Variants in RHBDF2 observed in about 807,000 individuals in gnomAD.
RHBDF2 encodes rhomboid 5 homolog 2.
RHBDF2 carries 38 observed loss-of-function variants against 95.2 expected under a neutral mutation model. The ratio of observed to expected loss-of-function variants is 0.40; its 90% CI spans 0.31 to 0.52. The LOEUF (loss-of-function observed/expected upper bound fraction) is 0.52, where lower values mean the gene tolerates loss of function less well. Among genes scored for constraint, RHBDF2 ranks in the 20% least tolerant of loss-of-function variants. The pLI is 0.56. For missense variants in RHBDF2, 863 were observed against 1,137.7 expected, an observed-to-expected ratio of 0.76 and a Z score of 3.47; for synonymous variants, 442 against 462.0, an observed-to-expected ratio of 0.96 and a Z score of 0.55.
In RHBDF2 at chr17:76,479,106, G is replaced by T; in HGVS notation, c.444C>A (p.Ser148=). ...CCTTGGGCATCTTGCAGGGCTTTGG[G>T]GACTCAGTGCCCTGGAAGGACGGTG... ...QEAPSFQGTE[S]PKPCKMPKIV... Residue 148 remains serine (S), a synonymous_variant, in exon 5 of 19, where the codon TCC becomes TCA. Coordinates refer to ENST00000675367, the MANE Select transcript of RHBDF2 (RefSeq NM_001005498.4). 6.2e-7 allele frequency: 1 copy of T among 1,613,668 alleles called. No homozygotes were observed. The highest frequency in any genetic ancestry group is 8.5e-7 in the Non-Finnish European group (1 of 1,179,942).
rs374306738 is a variant in RHBDF2, at chr17:76,477,695, C to T, written c.763G>A (p.Asp255Asn). The T allele has an allele frequency of 5.1e-5, 82 of 1,614,038 alleles. No individual in the cohort carries two copies. Among genetic ancestry groups the T allele is most frequent in the South Asian group, 1.8e-4 (16 of 91,086 alleles). Reference sequence around the variant, plus strand: ...GAGGAGTCAAACGTGTCTGCCCCATCGACCACATCCTCCTCCAGGAAGCTC... The same window carrying T: ...GAGGAGTCAAACGTGTCTGCCCCATTGACCACATCCTCCTCCAGGAAGCTC... Reference protein sequence around the residue: ...FPSFLEEDVVDGADTFDSSFF... With the variant: ...FPSFLEEDVVNGADTFDSSFF... The change falls in exon 7 of 19, where the codon GAT becomes AAT. Residue 255 changes from aspartate to asparagine, a missense_variant. Transcript: ENST00000675367.
Position 76,483,512 on chromosome 17 carries a change from T to C in RHBDF2, c.-21-1967A>G, listed in dbSNP as rs535517510. ...GTTGGTCAGGCTGGTCTCGAACTCC[T>C]GACCTCAGGTGATCCACCTGCCTCG... On this transcript the variant is annotated intron_variant, in intron 2 of 18. Transcript: ENST00000675367. Among the ~76,000 whole-genome samples the C allele has an allele frequency of 2.4e-4, 36 of 152,288 alleles. No homozygotes were observed. In the South Asian group the frequency reaches 4.6e-3, roughly 19 times the overall value.
At chr17:76,477,081 A>G (rs1383487186) in intron 8 of RHBDF2, 57 bp from the exon 9 acceptor site, 1 of 1,611,266 alleles carries the variant, frequency 6.2e-7, no homozygotes, top group Non-Finnish European at 8.5e-7. Context: ...CCCAGACCCC[A>G]CCAGGGTGCT....
Position 76,471,524 on chromosome 17 carries a change from T to C in RHBDF2, c.*109A>G, listed in dbSNP as rs945178892. 9 of 1,261,784 alleles carry C rather than the reference T, an allele frequency of 7.1e-6. No homozygotes were observed. The highest frequency in any genetic ancestry group is 1.5e-5 in the African/African-American group (1 of 65,968). The allele number at this position is 1,261,784 out of a possible 1,614,324, so 78.2% of individuals were successfully genotyped here. A position where few individuals can be genotyped will look rare whatever the true frequency, so the allele number is the denominator to read the frequency against. On this transcript the variant is annotated 3_prime_UTR_variant, in exon 19 of 19. Coordinates refer to ENST00000675367, the MANE Select transcript of RHBDF2 (RefSeq NM_001005498.4). ...GCACCCAGGTCCAGAGCCCGGGCCC[T>C]GTCTTGGGTCTCTGGCTCTCTGGCA... is the stretch of plus-strand genomic sequence containing the variant.
chr17:76,477,131 C>T (rs1425671140), intron 8 of RHBDF2, 49 bp downstream of exon 8: 2 of 1,610,702 alleles, frequency 1.2e-6, no homozygotes, highest in East Asian at 2.2e-5. Context: ...CTGGGGATGC[C>T]CCCAGGCTGG....
intron 1 of RHBDF2, among the ~76,000 whole-genome samples, chr17:76,491,240 C>G (rs1020359159): frequency 3.9e-5 from 6 of 152,190 alleles, no homozygotes; most frequent in Non-Finnish European, 7.4e-5. Context: ...CCCTAGCCCA[C>G]CACAGGCACC....
At chr17:76,486,954 T>TTTTTTTTTC (rs1265557895) in intron 2 of RHBDF2, among the ~76,000 whole-genome samples, 5 of 30,856 alleles carry the variant, frequency 1.6e-4, no homozygotes, top group South Asian at 7.9e-4. Flanking sequence ...CTTCCTGCCT[T>TTTTTTTTTC]TTTTTTTTTT....
At chr17:76,498,434 A>C (rs1378453993) in intron 1 of RHBDF2, among the ~76,000 whole-genome samples, 2 of 152,220 alleles carry the variant, frequency 1.3e-5, no homozygotes, top group African/African-American at 4.8e-5. Context: ...GGGGAGAGGC[A>C]GCCAGGAGGG....
chr17:76,473,938 C>G, intron 13 of RHBDF2, 36 bp from the exon 14 acceptor site: 1 of 1,609,112 alleles, frequency 6.2e-7, no homozygotes, highest in Non-Finnish European at 8.5e-7. Flanking sequence ...GTGGCACACC[C>G]AGCGTGCCAC....
At chr17:76,472,212 G>A (rs1210516125) in intron 18 of RHBDF2, 160 bp from the exon 19 acceptor site, 5 of 677,282 alleles carry the variant, frequency 7.4e-6, no homozygotes, top group Non-Finnish European at 1.2e-5. Context: ...GACCAAAGCT[G>A]GGCCTGCTCC....
rs762078126 is a variant in RHBDF2, at chr17:76,473,288, G to A, written c.1773C>T (p.His591=). The change falls in exon 16 of 19, where the codon CAC becomes CAT. Residue 591 remains histidine, a synonymous_variant. Transcript: ENST00000675367. ...GTGTTGCTTCCTCATGGAAATAGCC[G>A]TGCATGAACTCACAGTATTCCCGGG... ...ITTREYCEFM[H]GYFHEEATLC... 1.5e-5 allele frequency: 25 copies of A among 1,612,936 alleles called. No individual in the cohort carries two copies. The highest frequency in any genetic ancestry group is 6.7e-5 in the African/African-American group (5 of 74,934).
At chr17:76,491,482 G>A (rs2074298673) in intron 1 of RHBDF2, among the ~76,000 whole-genome samples, 1 of 152,194 alleles carries the variant, frequency 6.6e-6, no homozygotes, top group African/African-American at 2.4e-5. Flanking sequence ...GCAGAGACAG[G>A]GCCAGGGCGG....
chr17:76,471,728 A>G lies in RHBDF2; in HGVS notation c.2389T>C (p.Tyr797His), dbSNP rs1211218604. 1.9e-6 allele frequency: 3 copies of G among 1,611,394 alleles called. No individual in the cohort carries two copies. The East Asian group carries it at 6.7e-5, about 36-fold the overall frequency. ...FAALVLWLYIYPINWPWIEHL... is the reference protein window; with the variant it reads ...FAALVLWLYIHPINWPWIEHL... Reference sequence around the variant, plus strand: ...TCGATCCAGGGCCAGTTAATGGGGTAGATGTACAGCCACAGCACGAGGGCG... The same window carrying G: ...TCGATCCAGGGCCAGTTAATGGGGTGGATGTACAGCCACAGCACGAGGGCG... The change falls in exon 19 of 19, where the codon TAC becomes CAC. Residue 797 changes from tyrosine to histidine, a missense_variant. Tyr to His is a moderately conservative substitution (Grantham distance 83). Around this residue, in one of 2 missense-constraint regions of RHBDF2, gnomAD observed 252 missense variants for 412.2 expected, o/e 0.61. Coordinates refer to ENST00000675367, the MANE Select transcript of RHBDF2 (RefSeq NM_001005498.4).
At chr17:76,483,036 C>A (rs2074018342) in intron 2 of RHBDF2, among the ~76,000 whole-genome samples, 1 of 151,808 alleles carries the variant, frequency 6.6e-6, no homozygotes, top group Non-Finnish European at 1.5e-5. Flanking sequence ...AGGCATAGTG[C>A]CTCATTCCTG....
At chr17:76,474,259 G>T in intron 12 of RHBDF2, 114 bp downstream of exon 12, 1 of 1,376,588 alleles carries the variant, frequency 7.3e-7, no homozygotes, top group Non-Finnish European at 1.0e-6. Flanking sequence ...ATGGGGGTCT[G>T]GGAAAGGTGG....
intron 4 of RHBDF2, 34 bp downstream of exon 4, chr17:76,479,699 G>A (rs374382074): frequency 9.9e-6 from 15 of 1,512,228 alleles, no homozygotes; most frequent in East Asian, 4.5e-5. Flanking sequence ...GTTGCTGGGT[G>A]GGGGGTGCTG....
At chr17:76,498,232 C>G (rs1047208034) in intron 1 of RHBDF2, among the ~76,000 whole-genome samples, 3 of 152,050 alleles carry the variant, frequency 2.0e-5, no homozygotes, top group Non-Finnish European at 4.4e-5. Flanking sequence ...CTTGGGCAGG[C>G]GCAGACGTCC....
intron 1 of RHBDF2, among the ~76,000 whole-genome samples, chr17:76,488,478 C>T (rs564656343): frequency 8.2e-5 from 12 of 146,404 alleles, no homozygotes; most frequent in East Asian, 6.2e-4. Flanking sequence ...CCAGCCTGGG[C>T]GACAGAGGGA....
intron 1 of RHBDF2, among the ~76,000 whole-genome samples, chr17:76,499,105 A>G (rs2074511575): frequency 6.6e-6 from 1 of 152,114 alleles, no homozygotes; most frequent in Admixed American, 6.6e-5. Flanking sequence ...AAAAGGTGGG[A>G]GTTTCACTTC....
Sources: allele counts gnomAD v4.1 joint callset (sites outside exome capture counted in the v4.1 genomes callset), GRCh38; gene constraint gnomAD v4.1.1; regional missense constraint gnomAD v4.1.1; transcripts MANE v1.5; gene names NCBI Gene and HGNC (gene_info 2026-07-23, HGNC 2026-07-21).